SVEP1: variants seen among roughly 807,000 people sequenced by gnomAD.
SVEP1 encodes the protein sushi, von Willebrand factor type A, EGF and pentraxin domain containing 1, also known as sushi, von Willebrand factor type A, EGF and pentraxin domain-containing protein 1.
In SVEP1, 164 loss-of-function variants were observed where a neutral mutation model predicts 367.3. That is an observed-to-expected ratio of 0.45 (90% confidence interval 0.39 to 0.51). SVEP1 has a LOEUF of 0.51. Among genes scored for constraint, SVEP1 ranks in the 20% least tolerant of loss-of-function variants. The pLI, the probability that SVEP1 is intolerant of heterozygous loss-of-function variation, is 0.00. For missense variants in SVEP1, 4,117 were observed against 4,425.3 expected, an observed-to-expected ratio of 0.93 and a Z score of 1.98; for synonymous variants, 1,666 against 1,611.6, an observed-to-expected ratio of 1.03 and a Z score of -0.81.
Position 110,424,287 on chromosome 9 carries a change from G to A in SVEP1, c.5975+3304C>T, listed in dbSNP as rs1828219009. ...ATTTAGAGATAGCTCGTTCTGACAAGAAAATACTGTCTATCAGTGAAAATA... is the reference window on the plus strand; with the variant it reads ...ATTTAGAGATAGCTCGTTCTGACAAAAAAATACTGTCTATCAGTGAAAATA... On this transcript the variant is annotated intron_variant, in intron 36 of 47. Coordinates refer to ENST00000374469, the MANE Select transcript of SVEP1 (RefSeq NM_153366.4). Among the ~76,000 whole-genome samples, 3 of 152,100 alleles carry A rather than the reference G, an allele frequency of 2.0e-5. 1 individual carries two copies. The highest frequency in any genetic ancestry group is 2.0e-4 in the Admixed American group (3 of 15,268).
intron 1 of SVEP1, among the ~76,000 whole-genome samples, chr9:110,578,710 C>A (rs184879599): frequency 5.9e-5 from 9 of 152,310 alleles, no homozygotes; most frequent in Admixed American, 2.0e-4. Context: ...AGCTTGGATA[C>A]CGTCTGCTCC....
chr9:110,429,800 A>T, intron 34 of SVEP1, 120 bp downstream of exon 34: 1 of 734,410 alleles, frequency 1.4e-6, no homozygotes, highest in Admixed American at 2.5e-5. Flanking sequence ...TCGATTAATT[A>T]CATATTAATT....
intron 17 of SVEP1, among the ~76,000 whole-genome samples, chr9:110,466,575 G>A (rs796639979): frequency 1.3e-5 from 2 of 151,462 alleles, no homozygotes; most frequent in African/African-American, 4.8e-5. Context: ...CGGCTAAAAC[G>A]GTGAAACCCC....
In SVEP1 at chr9:110,451,275, T is replaced by C. The variant is rs370385770; in HGVS notation, c.3901+14A>G. On this transcript the variant is annotated intron_variant, in intron 23 of 47. Coordinates refer to ENST00000374469, the MANE Select transcript of SVEP1 (RefSeq NM_153366.4). ...AGATTTTAAGACAACATAGGAAGAC[T>C]GGAAACATCTTACCTACAAATCCTT... 6.9e-6 allele frequency: 11 copies of C among 1,601,526 alleles called. No individual in the cohort carries two copies. The highest frequency in any genetic ancestry group is 1.7e-4 in the Middle Eastern group (1 of 6,042).
At chr9:110,557,051 C>G (rs1268132313) in intron 1 of SVEP1, among the ~76,000 whole-genome samples, 3 of 152,132 alleles carry the variant, frequency 2.0e-5, no homozygotes, top group African/African-American at 4.8e-5. Context: ...TTTCACCACG[C>G]CTTGTCTGTT....
intron 43 of SVEP1, among the ~76,000 whole-genome samples, chr9:110,384,682 A>G (rs1446664219): frequency 6.6e-6 from 1 of 152,228 alleles, no homozygotes; most frequent in Non-Finnish European, 1.5e-5. Flanking sequence ...CCTCAGACTC[A>G]GAGAAGTAAG....
intron 45 of SVEP1, 90 bp downstream of exon 45, chr9:110,377,181 A>G (rs1827361688): frequency 8.4e-7 from 1 of 1,190,026 alleles, no homozygotes. Flanking sequence ...ATTCTTCCCA[A>G]CAGTACAACC....
chr9:110,537,983 AAAGAT>A (rs1402125203), intron 3 of SVEP1, among the ~76,000 whole-genome samples: 1 of 151,960 alleles, frequency 6.6e-6, no homozygotes, highest in Non-Finnish European at 1.5e-5. Flanking sequence ...GGAAGAAGAG[AAAGAT>A]AAGATCTTAT....
At chr9:110,444,199 T>C (rs146888414) in intron 26 of SVEP1, among the ~76,000 whole-genome samples, 11 of 152,340 alleles carry the variant, frequency 7.2e-5, no homozygotes, top group Admixed American at 1.3e-4. Flanking sequence ...GTTTGAATAT[T>C]TGTATGCTCT....
intron 36 of SVEP1, among the ~76,000 whole-genome samples, chr9:110,427,151 A>C (rs1488371827): frequency 6.6e-6 from 1 of 151,954 alleles, no homozygotes; most frequent in Non-Finnish European, 1.5e-5. Context: ...TACAAAAAGT[A>C]GCCGGGTGTG....
At chr9:110,503,301 T>C in intron 5 of SVEP1, 84 bp from the exon 6 acceptor site, 2 of 1,355,236 alleles carry the variant, frequency 1.5e-6, no homozygotes. Context: ...GCCTGCACAT[T>C]GCAAGCAAGA....
intron 40 of SVEP1, among the ~76,000 whole-genome samples, chr9:110,393,083 A>T (rs1827689755): frequency 6.6e-6 from 1 of 152,222 alleles, no homozygotes; most frequent in Non-Finnish European, 1.5e-5. Flanking sequence ...TCAATTTTTC[A>T]GTTAACATAT....
At chr9:110,442,849 GT>G (rs1828532319) in intron 27 of SVEP1, 1 of 152,076 alleles carries the variant, frequency 6.6e-6, no homozygotes. Flanking sequence ...TAGTATTTTT[GT>G]GCTATATTTA....
intron 46 of SVEP1, among the ~76,000 whole-genome samples, chr9:110,372,471 G>A (rs1162760949): frequency 6.6e-6 from 1 of 152,196 alleles, no homozygotes; most frequent in African/African-American, 2.4e-5. Flanking sequence ...ATAGAGTTCA[G>A]TGTCATTAGG....
chr9:110,545,176 CCT>C (rs1830203387), intron 3 of SVEP1, among the ~76,000 whole-genome samples: 1 of 152,032 alleles, frequency 6.6e-6, no homozygotes, highest in Non-Finnish European at 1.5e-5. Context: ...TTGAATAGAC[CCT>C]GAGGTTGATT....
intron 40 of SVEP1, among the ~76,000 whole-genome samples, chr9:110,392,133 T>TTTTTTATA (rs1554710906): frequency 1.0e-5 from 1 of 99,636 alleles, no homozygotes; most frequent in South Asian, 2.9e-4. Flanking sequence ...CAATTCCTCA[T>TTTTTTATA]TATATATATA....
chr9:110,399,785 T>C (rs1827828188), intron 40 of SVEP1, among the ~76,000 whole-genome samples: 1 of 152,146 alleles, frequency 6.6e-6, no homozygotes, highest in Non-Finnish European at 1.5e-5. Flanking sequence ...CCACCCTCCT[T>C]GGCTTTCCAA....
intron 5 of SVEP1, among the ~76,000 whole-genome samples, chr9:110,510,189 C>T (rs967295907): frequency 1.3e-5 from 2 of 152,186 alleles, no homozygotes; most frequent in African/African-American, 2.4e-5. Context: ...GCCACAGGGG[C>T]ATAACTACAC....
intron 3 of SVEP1, among the ~76,000 whole-genome samples, chr9:110,528,878 T>G (rs1829979505): frequency 6.6e-6 from 1 of 151,826 alleles, no homozygotes; most frequent in Non-Finnish European, 1.5e-5. Flanking sequence ...AAACTGAATT[T>G]TAATTTTTAA....
Sources: gnomAD v4.1 joint callset for allele counts (sites outside exome capture counted in the v4.1 genomes callset) on GRCh38, gnomAD v4.1.1 for gene constraint, MANE v1.5 for transcripts, NCBI Gene and HGNC (gene_info 2026-07-23, HGNC 2026-07-21) for gene names.